Variants in TMEM132B observed in about 807,000 individuals in gnomAD.
TMEM132B encodes transmembrane protein 132B.
TMEM132B carries 18 observed loss-of-function variants against 90.8 expected under a neutral mutation model. The ratio of observed to expected loss-of-function variants is 0.20; its 90% CI spans 0.14 to 0.29. The LOEUF is 0.29. Ranked by LOEUF, TMEM132B falls within the 10% of genes least tolerant of loss-of-function variation. TMEM132B has a pLI of 1.00. For synonymous variants in TMEM132B, 504 were observed against 523.3 expected (o/e 0.96, Z 0.50); for missense variants, 1,096 against 1,326.8 (o/e 0.83, Z 2.70).
intron 4 of TMEM132B, among the ~76,000 whole-genome samples, chr12:125,542,062 A>G (rs1455312588): frequency 6.7e-6 from 1 of 148,676 alleles, no homozygotes; most frequent in Non-Finnish European, 1.5e-5. Context: ...AGAAGTGAAC[A>G]CCTGCTTCCT....
chr12:125,627,259 G>A (rs1343315531), intron 5 of TMEM132B, among the ~76,000 whole-genome samples: 1 of 152,014 alleles, frequency 6.6e-6, no homozygotes, highest in Admixed American at 6.6e-5. Flanking sequence ...TTTCCTGTCT[G>A]ATAGTCCAAA....
intron 3 of TMEM132B, among the ~76,000 whole-genome samples, chr12:125,434,082 T>C (rs900597173): frequency 1.3e-5 from 2 of 152,244 alleles, no homozygotes; most frequent in Non-Finnish European, 2.9e-5. Flanking sequence ...AGTCAAGGCA[T>C]TGCAGAGTTG....
At chr12:125,367,171 A>G (rs1003035566) in intron 2 of TMEM132B, among the ~76,000 whole-genome samples, 4 of 152,102 alleles carry the variant, frequency 2.6e-5, no homozygotes, top group Non-Finnish European at 2.9e-5. Context: ...GGTTGGTTTC[A>G]GTTGATTGTC....
intron 3 of TMEM132B, among the ~76,000 whole-genome samples, chr12:125,502,033 T>G (rs1448338390): frequency 2.0e-5 from 3 of 152,194 alleles, no homozygotes; most frequent in Admixed American, 1.3e-4. Flanking sequence ...CACGCACGAA[T>G]GCATGTGTGT....
At chr12:125,201,984 A>G (rs901101485) in intron 1 of TMEM132B, among the ~76,000 whole-genome samples, 3 of 151,778 alleles carry the variant, frequency 2.0e-5, no homozygotes, top group Middle Eastern at 3.2e-3. Context: ...TCACACCCTC[A>G]TTTTCTTTTG....
intron 3 of TMEM132B, among the ~76,000 whole-genome samples, chr12:125,478,587 G>T (rs879791535): frequency 1.3e-5 from 2 of 152,164 alleles, no homozygotes. Flanking sequence ...AATGAACAAA[G>T]CCTCCAAGAA....
At chr12:125,355,956 A>G (rs1877756325) in intron 2 of TMEM132B, among the ~76,000 whole-genome samples, 1 of 148,188 alleles carries the variant, frequency 6.7e-6, no homozygotes, top group South Asian at 2.2e-4. Context: ...CCATGCCTTG[A>G]AAAAACCCTT....
intron 8 of TMEM132B, 30 bp from the exon 9 acceptor site, chr12:125,653,535 A>G (rs758582665): frequency 2.0e-5 from 31 of 1,576,900 alleles, no homozygotes; most frequent in Admixed American, 5.4e-5. Context: ...ATCTGATTAT[A>G]ACATAATGCT....
intron 4 of TMEM132B, among the ~76,000 whole-genome samples, chr12:125,578,315 A>G (rs1169987802): frequency 6.6e-6 from 1 of 151,734 alleles, no homozygotes; most frequent in Admixed American, 6.6e-5. Flanking sequence ...TAATTGTTAT[A>G]TTTTCTTGTT....
intron 5 of TMEM132B, among the ~76,000 whole-genome samples, chr12:125,606,299 G>A (rs1885694051): frequency 6.7e-6 from 1 of 149,334 alleles, no homozygotes; most frequent in Non-Finnish European, 1.5e-5. Flanking sequence ...AGCAGGGCAA[G>A]GACTGATTTC....
At chr12:125,531,530 G>A (rs1365726044) in intron 4 of TMEM132B, among the ~76,000 whole-genome samples, 1 of 152,052 alleles carries the variant, frequency 6.6e-6, no homozygotes, top group African/African-American at 2.4e-5. Flanking sequence ...TAGCCTACCT[G>A]GAAGGTCTGT....
At chr12:125,634,617 A>G (rs543526563) in intron 5 of TMEM132B, among the ~76,000 whole-genome samples, 1 of 152,308 alleles carries the variant, frequency 6.6e-6, no homozygotes, top group East Asian at 1.9e-4. Flanking sequence ...TCGGGACCCA[A>G]GGATTCTTCA....
chr12:125,528,570 C>A lies in TMEM132B; in HGVS notation c.1293+8945C>A, dbSNP rs115811877. Among the ~76,000 whole-genome samples, 858 of 152,310 alleles carry A rather than the reference C, an allele frequency of 5.6e-3. 7 individuals carry two copies. The highest frequency in any genetic ancestry group is 0.018 in the African/African-American group (766 of 41,554). On this transcript the variant is annotated intron_variant, in intron 4 of 8. Coordinates refer to ENST00000682704, the MANE Select transcript of TMEM132B (RefSeq NM_001366854.1). Reference sequence around the variant, plus strand: ...TTCTGGTGAATGGCGATGAATTAGGCAGACAAGGCCTCAACTCTCATGCTG... The same window carrying A: ...TTCTGGTGAATGGCGATGAATTAGGAAGACAAGGCCTCAACTCTCATGCTG...
chr12:125,357,820 C>T (rs1313021718), intron 2 of TMEM132B, among the ~76,000 whole-genome samples: 1 of 152,186 alleles, frequency 6.6e-6, no homozygotes, highest in Non-Finnish European at 1.5e-5. Context: ...CATCTGCAGA[C>T]CCAGGACTCA....
chr12:125,515,139 C>T (rs1264237687), intron 3 of TMEM132B, among the ~76,000 whole-genome samples: 1 of 151,930 alleles, frequency 6.6e-6, no homozygotes, highest in Non-Finnish European at 1.5e-5. Context: ...CAGACACACT[C>T]ACACAAACAC....
Position 125,650,835 on chromosome 12 carries a change from G to A in TMEM132B, c.1796G>A (p.Trp599Ter). 6.2e-7 allele frequency: 1 copy of A among 1,614,196 alleles called. No homozygotes were observed. The highest frequency in any genetic ancestry group is 8.5e-7 in the Non-Finnish European group (1 of 1,180,044). The change falls in exon 7 of 9, where the codon TGG becomes TAG. Residue 599 changes from tryptophan (W) to a stop codon, truncating the protein, a stop_gained. Coordinates refer to ENST00000682704, the MANE Select transcript of TMEM132B (RefSeq NM_001366854.1). LOFTEE classifies it high-confidence loss of function. ...GQLTYMLGPD[W>*]QFDITDLVTE... is the part of the protein sequence containing the mutation. The stretch of plus-strand genomic sequence containing the variant: ...CTGACCTACATGCTGGGCCCCGACT[G>A]GCAGTTTGACATCACTGACCTTGTG...
Position 125,654,453 on chromosome 12 carries a change from CAT to C in TMEM132B, c.2997_2998del (p.His999GlnfsTer8), listed in dbSNP as rs755301792. 1 of 1,613,678 alleles carries C rather than the reference CAT, an allele frequency of 6.2e-7. No individual in the cohort carries two copies. On this transcript the variant is annotated frameshift_variant, in exon 9 of 9. Coordinates refer to ENST00000682704, the MANE Select transcript of TMEM132B (RefSeq NM_001366854.1). LOFTEE classifies it high-confidence loss of function. This position sits in a 1 kb window ranked among gnomAD's most constrained non-coding sequence, Gnocchi z 5.8. The stretch of plus-strand genomic sequence containing the variant: ...GAATGGCAGTTCCCAGAAGACTTTT[CAT>C]AGTCAACTACTCAGACCCTCTGACT... ...LLNGSSQKTFHSQLLRPSDYV... is the reference protein window; with the variant it reads ...LLNGSSQKTFXSQLLRPSDYV...
intron 1 of TMEM132B, among the ~76,000 whole-genome samples, chr12:125,233,372 C>A (rs1241147436): frequency 6.6e-6 from 1 of 152,322 alleles, no homozygotes; most frequent in East Asian, 1.9e-4. Context: ...TCATGGTCAC[C>A]TCATGGTTGA....
chr12:125,487,909 G>A (rs1000056571), intron 3 of TMEM132B, among the ~76,000 whole-genome samples: 7 of 151,988 alleles, frequency 4.6e-5, no homozygotes, highest in African/African-American at 1.7e-4. Context: ...TATATATCAT[G>A]TGATCATATT....
Sources: allele counts gnomAD v4.1 joint callset (sites outside exome capture counted in the v4.1 genomes callset), GRCh38; gene constraint gnomAD v4.1.1; non-coding constraint Gnocchi (gnomAD v3.1); transcripts MANE v1.5; gene names NCBI Gene and HGNC (gene_info 2026-07-23, HGNC 2026-07-21).